CBL: variants seen among roughly 807,000 people sequenced by gnomAD.
CBL encodes the protein Cbl proto-oncogene.
CBL carries 45 observed loss-of-function variants against 96.9 expected under a neutral mutation model. That is an observed-to-expected ratio of 0.46 (90% CI 0.37 to 0.60). The LOEUF is 0.60. Among genes scored for constraint, CBL ranks in the 20% least tolerant of loss-of-function variants. The probability of loss-of-function intolerance (pLI) is 0.00; values close to 1 mark genes in which losing one functional copy is unlikely to be tolerated. For synonymous variants in CBL, 420 were observed against 426.8 expected (o/e 0.98, Z 0.20); for missense variants, 1,024 against 1,143.5 (o/e 0.90, Z 1.51).
At chr11:119,271,926 T>TA in intron 3 of CBL, 45 bp downstream of exon 3, 1 of 1,586,820 alleles carries the variant, frequency 6.3e-7, no homozygotes, top group South Asian at 1.1e-5. Flanking sequence ...AACTAAAGCT[T>TA]ACGAGTTTTT....
intron 11 of CBL, among the ~76,000 whole-genome samples, chr11:119,287,604 C>CT (rs1329127662): frequency 1.3e-5 from 2 of 152,202 alleles, no homozygotes; most frequent in East Asian, 3.8e-4. Context: ...TTACTCAAAT[C>CT]TTTTTAGAAT....
At chr11:119,246,934 A>T (rs1190157309) in intron 2 of CBL, among the ~76,000 whole-genome samples, 1 of 152,220 alleles carries the variant, frequency 6.6e-6, no homozygotes, top group African/African-American at 2.4e-5. Context: ...CCATATATTG[A>T]TATATATCAA....
intron 7 of CBL, 37 bp from the exon 8 acceptor site, chr11:119,278,129 A>T (rs2135303383): frequency 6.8e-7 from 1 of 1,469,316 alleles, no homozygotes. Flanking sequence ...GCAGTTATTT[A>T]TTCAACTAAT....
intron 12 of CBL, among the ~76,000 whole-genome samples, chr11:119,290,497 A>G (rs1240448217): frequency 6.6e-6 from 1 of 150,524 alleles, no homozygotes; most frequent in African/African-American, 2.4e-5. Context: ...TAAAAATACA[A>G]AAAAATTAGC....
At chr11:119,217,305 G>T (rs796366496) in intron 1 of CBL, among the ~76,000 whole-genome samples, 7 of 152,280 alleles carry the variant, frequency 4.6e-5, no homozygotes, top group African/African-American at 1.4e-4. Flanking sequence ...AGTAGACGGG[G>T]TTTCTCCATG....
intron 9 of CBL, among the ~76,000 whole-genome samples, chr11:119,284,619 A>AT (rs934954031): frequency 2.6e-5 from 4 of 151,964 alleles, no homozygotes; most frequent in Non-Finnish European, 5.9e-5. Context: ...TCTTGAAAAG[A>AT]TTTTTTTCTT....
chr11:119,259,093 T>C (rs1273702659), intron 2 of CBL, among the ~76,000 whole-genome samples: 2 of 152,198 alleles, frequency 1.3e-5, no homozygotes, highest in Non-Finnish European at 2.9e-5. Context: ...TGGTCATTGT[T>C]GATGTGTAGC....
At position 119,299,606 on chromosome 11, in the gene CBL, C is replaced by T; in HGVS notation, c.2546C>T (p.Ser849Phe). The change falls in exon 16 of 16, where the codon TCT becomes TTT. Residue 849 changes from serine to phenylalanine, a missense_variant. Physicochemically the swap from Ser to Phe is radical, Grantham distance 155 (BLOSUM62 -2). Around this residue, in one of 4 missense-constraint regions of CBL, gnomAD observed 695 missense variants for 661.6 expected, o/e 1.05. Transcript: ENST00000264033. ...CAGCAAGGTAGTGGTCCTGCCGCCT[C>T]TGCTGCCACCGCCTCACCTCAGCTC... ...SCQQGSGPAA[S>F]AATASPQLSS... 3.7e-6 allele frequency: 6 copies of T among 1,614,228 alleles called. No homozygotes were observed. Among genetic ancestry groups the T allele is most frequent in the Non-Finnish European group, 5.1e-6 (6 of 1,180,046 alleles).
chr11:119,278,954 C>T (rs1949911477), intron 9 of CBL, among the ~76,000 whole-genome samples: 1 of 152,136 alleles, frequency 6.6e-6, no homozygotes, highest in Non-Finnish European at 1.5e-5. Flanking sequence ...AACTGAGGCA[C>T]AAAGAGGTTA....
chr11:119,210,559 G>A (rs1949307868), intron 1 of CBL, among the ~76,000 whole-genome samples: 1 of 150,420 alleles, frequency 6.6e-6, no homozygotes, highest in African/African-American at 2.5e-5. Flanking sequence ...CCACCAAGTA[G>A]CTGGGATTAT....
At chr11:119,249,687 A>G (rs572868564) in intron 2 of CBL, among the ~76,000 whole-genome samples, 1 of 149,746 alleles carries the variant, frequency 6.7e-6, no homozygotes, top group African/African-American at 2.5e-5. Context: ...TTTAATTGAG[A>G]CAGGGTCTCC....
At chr11:119,283,910 T>C (rs1359302555) in intron 9 of CBL, among the ~76,000 whole-genome samples, 1 of 152,152 alleles carries the variant, frequency 6.6e-6, no homozygotes, top group African/African-American at 2.4e-5. Context: ...GTGCTGCGAT[T>C]ACAGGCGTGA....
At chr11:119,250,275 T>G (rs1334198174) in intron 2 of CBL, among the ~76,000 whole-genome samples, 1 of 152,190 alleles carries the variant, frequency 6.6e-6, no homozygotes. Flanking sequence ...TTTTTTCCTC[T>G]CTTGTCCTTG....
At chr11:119,219,194 A>T (rs920516652) in intron 1 of CBL, among the ~76,000 whole-genome samples, 1 of 152,112 alleles carries the variant, frequency 6.6e-6, no homozygotes, top group Non-Finnish European at 1.5e-5. Context: ...CCTGGCCAAC[A>T]TGGTGATACC....
rs34339877 is a variant in CBL at position 119,242,741 on chromosome 11, T to TAAA, written c.443+10064_443+10066dup. On this transcript the variant is annotated intron_variant, in intron 2 of 15. Coordinates refer to ENST00000264033, the MANE Select transcript of CBL (RefSeq NM_005188.4). ...GTGACTGAATAAGGCCCTGACTCTT[T>TAAA]AAAAAAAAAAAAAAAAAAAAGAAAC... is the stretch of plus-strand genomic sequence containing the variant. 4.5e-4 allele frequency among the ~76,000 whole-genome samples: 53 copies of TAAA among 117,948 alleles called. 1 individual carries two copies. The East Asian group carries it at 7.4e-3, about 16-fold the overall frequency. The allele number at this position is 117,948 out of a possible 152,430, so 77.4% of individuals were successfully genotyped here.
intron 2 of CBL, among the ~76,000 whole-genome samples, chr11:119,256,701 T>C (rs76837732): frequency 6.8e-6 from 1 of 146,786 alleles, no homozygotes; most frequent in African/African-American, 2.4e-5. Context: ...TTTTTTTTTT[T>C]AATCCCTCCC....
intron 1 of CBL, among the ~76,000 whole-genome samples, chr11:119,225,430 A>G (rs1309092129): frequency 6.6e-6 from 1 of 152,000 alleles, no homozygotes; most frequent in Non-Finnish European, 1.5e-5. Flanking sequence ...ACAGGGTCTC[A>G]TTCTGTCCTA....
intron 2 of CBL, among the ~76,000 whole-genome samples, chr11:119,264,844 A>G (rs555787028): frequency 1.1e-4 from 17 of 152,188 alleles, no homozygotes; most frequent in African/African-American, 3.6e-4. Context: ...CCATATACCA[A>G]TCTGCAATTA....
chr11:119,234,910 C>CT (rs1949531241), intron 2 of CBL, among the ~76,000 whole-genome samples: 1 of 152,140 alleles, frequency 6.6e-6, no homozygotes, highest in Admixed American at 6.6e-5. Context: ...CAAGAAAAGT[C>CT]TTTTAACACA....
Sources: allele counts gnomAD v4.1 joint callset (sites outside exome capture counted in the v4.1 genomes callset), GRCh38; gene constraint gnomAD v4.1.1; regional missense constraint gnomAD v4.1.1; transcripts MANE v1.5; gene names NCBI Gene and HGNC (gene_info 2026-07-23, HGNC 2026-07-21).